The following CLCN2 variants were observed in gnomAD, a reference collection of about 807,000 sequenced individuals.
The protein encoded by CLCN2 is chloride channel protein 2.
CLCN2 carries 72 observed loss-of-function variants against 108.3 expected under a neutral mutation model. That is an observed-to-expected ratio of 0.66 (90% CI 0.55 to 0.81). CLCN2 has a LOEUF of 0.81. Among genes scored for constraint, CLCN2 ranks in the 30% least tolerant of loss-of-function variants. The pLI is 0.00. For synonymous variants in CLCN2, 471 were observed against 467.1 expected, an observed-to-expected ratio of 1.01 and a Z score of -0.11; for missense variants, 1,048 against 1,205.2, an observed-to-expected ratio of 0.87 and a Z score of 1.93.
At position 184,361,223 on chromosome 3, in the gene CLCN2, T is replaced by G. The variant is rs1712050719; in HGVS notation, c.63+194A>C. On this transcript the variant is annotated intron_variant, in intron 1 of 23. Coordinates refer to ENST00000265593, the MANE Select transcript of CLCN2 (RefSeq NM_004366.6). This position sits in a 1 kb window ranked among gnomAD's most constrained non-coding sequence, Gnocchi z 6.6. ...TGGTGTCCTTGTCCTCTGCAGGCCC[T>G]CAGCCTCAGCCAGAAACCAGCATGC... 1.3e-5 allele frequency among the ~76,000 whole-genome samples: 2 copies of G among 152,160 alleles called. No individual in the cohort carries two copies. The highest frequency in any genetic ancestry group is 2.9e-5 in the Non-Finnish European group (2 of 68,018).
chr3:184,353,976 G>A lies in CLCN2; in HGVS notation c.1721+125C>T. The A allele has an allele frequency of 3.7e-6, 5 of 1,337,562 alleles. No individual in the cohort carries two copies. In the South Asian group the frequency reaches 5.0e-5, roughly 13 times the overall value. The allele number at this position is 1,337,562 out of a possible 1,614,324, so 82.9% of individuals were successfully genotyped here. On this transcript the variant is annotated intron_variant, in intron 15 of 23. Transcript: ENST00000265593. ...GGGCCAGCTACAGCCCCTCCAGAGT[G>A]TGGACGAAGGTGGCTCATCTCCCAG...
chr3:184,353,853 A>G lies in CLCN2; in HGVS notation c.1722-58T>C, dbSNP rs551102598. 8 of 1,581,826 alleles carry G rather than the reference A, an allele frequency of 5.1e-6. No individual in the cohort carries two copies. The African/African-American group carries it at 1.1e-4, about 21-fold the overall frequency. On this transcript the variant is annotated intron_variant, in intron 15 of 23. Coordinates refer to ENST00000265593, the MANE Select transcript of CLCN2 (RefSeq NM_004366.6). ...CAGCATGGGGAGAGGTGCCCAGAGC[A>G]TTGCCATCCCAGGGCCACAAGGAGG...
chr3:184,360,171 G>A (rs1026489631), intron 1 of CLCN2, among the ~76,000 whole-genome samples: 1 of 152,026 alleles, frequency 6.6e-6, no homozygotes, highest in African/African-American at 2.4e-5. Context: ...AGAGAATGGA[G>A]AGTATTAAGA....
chr3:184,347,218 G>A, intron 22 of CLCN2, 197 bp from the exon 23 acceptor site: 1 of 638,942 alleles, frequency 1.6e-6, no homozygotes, highest in Non-Finnish European at 2.8e-6. Context: ...CAGGCCTCAG[G>A]AACTTGATAC....
At chr3:184,352,709 G>T (rs752619842) in intron 19 of CLCN2, 28 bp downstream of exon 19, 2 of 1,610,956 alleles carry the variant, frequency 1.2e-6, no homozygotes, top group Admixed American at 1.7e-5. Flanking sequence ...GAAAAAGCAA[G>T]CTAGGAGGAC....
At chr3:184,358,449 G>A in intron 3 of CLCN2, 139 bp from the exon 4 acceptor site, 4 of 1,291,884 alleles carry the variant, frequency 3.1e-6, no homozygotes, top group Non-Finnish European at 4.4e-6. Flanking sequence ...GTCCCTGAGG[G>A]TATTCACTGG....
chr3:184,356,122 G>A (rs1368593463), intron 10 of CLCN2: 6 of 360,236 alleles, frequency 1.7e-5, no homozygotes, highest in Non-Finnish European at 3.2e-5. Context: ...GTGTGATGGG[G>A]TGGAGAAGTT....
At position 184,359,049 on chromosome 3, in the gene CLCN2, C is replaced by T; in HGVS notation, c.146G>A (p.Trp49Ter). Residue 49 changes from tryptophan (W) to a stop codon, truncating the protein, a stop_gained, in exon 2 of 24, where the codon TGG (tryptophan) becomes TAG (stop). Coordinates refer to ENST00000265593, the MANE Select transcript of CLCN2 (RefSeq NM_004366.6). LOFTEE classifies it high-confidence loss of function. ...ARIRLGGPEP[W>*]KGPPSSRAAP... Reference sequence around the variant, plus strand: ...AGCCCGAGAGGAAGGGGGACCTTTCCAGGGTTCAGGCCCTCCCAGGCGAAT... The same window carrying T: ...AGCCCGAGAGGAAGGGGGACCTTTCTAGGGTTCAGGCCCTCCCAGGCGAAT... 6.2e-7 allele frequency: 1 copy of T among 1,613,688 alleles called. No individual in the cohort carries two copies. The highest frequency in any genetic ancestry group is 8.5e-7 in the Non-Finnish European group (1 of 1,180,036).
chr3:184,355,939 G>A lies in CLCN2; in HGVS notation c.1086-161C>T, dbSNP rs1728517468. On this transcript the variant is annotated intron_variant, in intron 10 of 23. Coordinates refer to ENST00000265593, the MANE Select transcript of CLCN2 (RefSeq NM_004366.6). This position sits in a 1 kb window ranked among gnomAD's most constrained non-coding sequence, Gnocchi z 6.3. ...TTTATGATACGATAGCCCCAAGGCT[G>A]ATGGTGGACTGGGGTTATTCTAAGA... 8.8e-6 allele frequency: 6 copies of A among 683,270 alleles called. No homozygotes were observed. Among genetic ancestry groups the A allele is most frequent in the Non-Finnish European group, 1.3e-5 (5 of 377,270 alleles). 42.3% of individuals were successfully genotyped at this position (683,270 alleles called of 1,614,324 possible).
chr3:184,357,655 A>G lies in CLCN2; in HGVS notation c.737T>C (p.Val246Ala). The G allele has an allele frequency of 6.2e-7, 1 of 1,613,962 alleles. No individual in the cohort carries two copies. The highest frequency in any genetic ancestry group is 8.5e-7 in the Non-Finnish European group (1 of 1,180,008). ...NTEMLAAACA[V>A]GVGCCFAAPI... ...TGCCGCGAAGCAGCAGCCCACCCCC[A>G]CGGCACAGGCGGCAGCCAGCATCTC... The change falls in exon 7 of 24, where the codon GTG (valine) becomes GCG (alanine). Residue 246 changes from valine (V) to alanine (A), a missense_variant. Coordinates refer to ENST00000265593, the MANE Select transcript of CLCN2 (RefSeq NM_004366.6).
rs754348632 is a variant in CLCN2, at chr3:184,357,272, G to T, written c.899-6C>A. 5 of 1,614,022 alleles carry T rather than the reference G, an allele frequency of 3.1e-6. No individual in the cohort carries two copies. In the South Asian group the frequency reaches 5.5e-5, roughly 18 times the overall value. On this transcript the variant is annotated splice_region_variant and splice_polypyrimidine_tract_variant and intron_variant, in intron 8 of 23. Transcript: ENST00000265593. ...GAAGAGGGCTGTAATAGTCTCTAAAGGGAAGAACAGCAGAGGGAGGCAGGC... is the reference window on the plus strand; with the variant it reads ...GAAGAGGGCTGTAATAGTCTCTAAATGGAAGAACAGCAGAGGGAGGCAGGC...
chr3:184,356,704 A>G (rs1728580045), intron 10 of CLCN2: 1 of 458,836 alleles, frequency 2.2e-6, no homozygotes, highest in African/African-American at 2.0e-5. Flanking sequence ...CTGAGGCTCA[A>G]ACACTCTCCA....
At position 184,355,114 on chromosome 3, in the gene CLCN2, G is replaced by A; in HGVS notation, c.1327-141C>T. 1 of 875,586 alleles carries A rather than the reference G, an allele frequency of 1.1e-6. No individual in the cohort carries two copies. The highest frequency in any genetic ancestry group is 2.1e-5 in the Admixed American group (1 of 48,752). 54.2% of individuals were successfully genotyped at this position (875,586 alleles called of 1,614,324 possible). ...CCCCGTAACCCTCCTAGCTACCCTG[G>A]GACCCCCAGGCCTCCCAGGTGATGG... On this transcript the variant is annotated intron_variant, in intron 12 of 23. Coordinates refer to ENST00000265593, the MANE Select transcript of CLCN2 (RefSeq NM_004366.6). This position sits in a 1 kb window ranked among gnomAD's most constrained non-coding sequence, Gnocchi z 6.3.
At position 184,357,704 on chromosome 3, in the gene CLCN2, G is replaced by A. The variant is rs201489817; in HGVS notation, c.694-6C>T. 1.2e-5 allele frequency: 20 copies of A among 1,614,082 alleles called. No homozygotes were observed. In the East Asian group the frequency reaches 1.8e-4, roughly 14 times the overall value. ...TCTGTGTTCCGGGATTCATTCTGGC[G>A]AGAGTGGTGGCAAGAGGGGGTCAGC... is the stretch of plus-strand genomic sequence containing the variant. On this transcript the variant is annotated splice_region_variant and splice_polypyrimidine_tract_variant and intron_variant, in intron 6 of 23. Coordinates refer to ENST00000265593, the MANE Select transcript of CLCN2 (RefSeq NM_004366.6).
At chr3:184,347,116 A>T in intron 22 of CLCN2, 95 bp from the exon 23 acceptor site, 1 of 1,021,874 alleles carries the variant, frequency 9.8e-7, no homozygotes, top group Non-Finnish European at 1.6e-6. Context: ...GGTGTGGAAT[A>T]GGAGGGGTGC....
chr3:184,357,273 G>C lies in CLCN2; in HGVS notation c.899-7C>G, dbSNP rs753769425. On this transcript the variant is annotated splice_region_variant and splice_polypyrimidine_tract_variant and intron_variant, in intron 8 of 23. Coordinates refer to ENST00000265593, the MANE Select transcript of CLCN2 (RefSeq NM_004366.6). ...AAGAGGGCTGTAATAGTCTCTAAAGGGAAGAACAGCAGAGGGAGGCAGGCC... is the reference window on the plus strand; with the variant it reads ...AAGAGGGCTGTAATAGTCTCTAAAGCGAAGAACAGCAGAGGGAGGCAGGCC... 5 of 1,613,864 alleles carry C rather than the reference G, an allele frequency of 3.1e-6. No homozygotes were observed. The highest frequency in any genetic ancestry group is 3.3e-5 in the Admixed American group (2 of 60,002).
intron 15 of CLCN2, 67 bp from the exon 16 acceptor site, chr3:184,353,862 C>CCAGGGCCA: frequency 1.3e-6 from 2 of 1,573,558 alleles, no homozygotes; most frequent in African/African-American, 2.7e-5. Context: ...CATTGCCATC[C>CCAGGGCCA]CAGGGCCACA....
At chr3:184,349,802 T>G (rs1727961203) in intron 22 of CLCN2, among the ~76,000 whole-genome samples, 1 of 152,142 alleles carries the variant, frequency 6.6e-6, no homozygotes. Flanking sequence ...CAAGCCAGCA[T>G]GTGGCAGAGT....
rs1422006003 is a variant in CLCN2, at chr3:184,352,796, C to CCGACTCTGCGCTCCCTGT, written c.2144-4_2157dup (p.Thr714_Ser719dup). 1 of 1,613,184 alleles carries CCGACTCTGCGCTCCCTGT rather than the reference C, an allele frequency of 6.2e-7. No individual in the cohort carries two copies. Among genetic ancestry groups the CCGACTCTGCGCTCCCTGT allele is most frequent in the East Asian group, 2.2e-5 (1 of 44,870 alleles). On this transcript the variant is annotated inframe_insertion, in exon 19 of 24. Transcript: ENST00000265593. ...AAGAGGCTCCGGAGGGCGATGCCTG[C>CCGACTCTGCGCTCCCTGT]CGACTCTGCGCTCCCTGTGTTCCCA...
Sources: allele counts gnomAD v4.1 joint callset (sites outside exome capture counted in the v4.1 genomes callset), GRCh38; gene constraint gnomAD v4.1.1; non-coding constraint Gnocchi (gnomAD v3.1); transcripts MANE v1.5; gene names NCBI Gene and HGNC (gene_info 2026-07-23, HGNC 2026-07-21).